Variants in DSCAM observed in about 807,000 individuals in gnomAD.
The protein encoded by DSCAM is cell adhesion molecule DSCAM.
In DSCAM, 47 loss-of-function variants were observed where a neutral mutation model predicts 217.7. The ratio of observed to expected loss-of-function variants is 0.22; its 90% confidence interval spans 0.17 to 0.28. DSCAM has a LOEUF of 0.28. Among genes scored for constraint, DSCAM ranks in the 10% least tolerant of loss-of-function variants. DSCAM has a pLI of 1.00. For synonymous variants in DSCAM, 1,056 were observed against 1,015.3 expected, an observed-to-expected ratio of 1.04 and a Z score of -0.76; for missense variants, 2,080 against 2,618.3, an observed-to-expected ratio of 0.79 and a Z score of 4.49.
intron 3 of DSCAM, among the ~76,000 whole-genome samples, chr21:40,378,615 G>A (rs902776571): frequency 2.9e-5 from 3 of 102,618 alleles, no homozygotes; most frequent in African/African-American, 3.9e-5. Context: ...TTTTTGAGAC[G>A]GAGTCTCGCT....
intron 24 of DSCAM, among the ~76,000 whole-genome samples, chr21:40,082,488 T>C (rs2089476588): frequency 6.6e-6 from 1 of 152,082 alleles, no homozygotes; most frequent in Non-Finnish European, 1.5e-5. Context: ...AGAAAGTCAT[T>C]AGACAGTGAT....
At chr21:40,386,907 A>G (rs1429038299) in intron 3 of DSCAM, among the ~76,000 whole-genome samples, 1 of 152,162 alleles carries the variant, frequency 6.6e-6, no homozygotes, top group Non-Finnish European at 1.5e-5. Flanking sequence ...TCCCTCTAGG[A>G]TTAAGTTTTG....
At chr21:40,645,644 G>A (rs1192575121) in intron 3 of DSCAM, among the ~76,000 whole-genome samples, 1 of 152,106 alleles carries the variant, frequency 6.6e-6, no homozygotes, top group East Asian at 1.9e-4. Flanking sequence ...CATGTTTTAT[G>A]TTAGAAATGC....
intron 14 of DSCAM, among the ~76,000 whole-genome samples, chr21:40,179,673 A>C (rs2090777926): frequency 6.6e-6 from 1 of 152,176 alleles, no homozygotes; most frequent in Non-Finnish European, 1.5e-5. Flanking sequence ...ATATTTTTTC[A>C]GTTCTATTTT....
intron 6 of DSCAM, among the ~76,000 whole-genome samples, chr21:40,345,653 A>G (rs2074549731): frequency 1.3e-5 from 2 of 152,114 alleles, no homozygotes; most frequent in African/African-American, 2.4e-5. Context: ...CAGTATTGCA[A>G]ATTTTTATAA....
intron 14 of DSCAM, 89 bp from the exon 15 acceptor site, chr21:40,179,183 CCAAAA>C: frequency 4.6e-5 from 4 of 86,310 alleles, no homozygotes; most frequent in Admixed American, 1.8e-4. Context: ...GAATTAAAAA[CCAAAA>C]AAAAAAAAAA....
At chr21:40,563,640 A>G (rs1375396119) in intron 3 of DSCAM, among the ~76,000 whole-genome samples, 2 of 136,886 alleles carry the variant, frequency 1.5e-5, no homozygotes, top group East Asian at 3.9e-4. Context: ...ATATGTGTAT[A>G]TATAGTTATA....
chr21:40,328,788 G>A (rs1261925081), intron 8 of DSCAM, among the ~76,000 whole-genome samples: 1 of 152,040 alleles, frequency 6.6e-6, no homozygotes, highest in Non-Finnish European at 1.5e-5. Flanking sequence ...TTCAAACAAT[G>A]CAATAGCAAG....
intron 11 of DSCAM, among the ~76,000 whole-genome samples, chr21:40,223,795 C>T (rs1442159089): frequency 6.6e-6 from 1 of 152,190 alleles, no homozygotes; most frequent in Non-Finnish European, 1.5e-5. Context: ...AATGACAACA[C>T]TTATGTGAAC....
intron 3 of DSCAM, among the ~76,000 whole-genome samples, chr21:40,675,650 C>T (rs1448765841): frequency 2.6e-5 from 4 of 151,972 alleles, no homozygotes; most frequent in African/African-American, 9.7e-5. Context: ...AAATTCAGGT[C>T]GTATATGTTA....
At chr21:40,589,673 T>G (rs1378903612) in intron 3 of DSCAM, among the ~76,000 whole-genome samples, 1 of 152,244 alleles carries the variant, frequency 6.6e-6, no homozygotes, top group Non-Finnish European at 1.5e-5. Flanking sequence ...AAAGTGAGAC[T>G]AGAAGCTTGG....
intron 27 of DSCAM, among the ~76,000 whole-genome samples, chr21:40,067,077 C>T (rs941766779): frequency 1.3e-5 from 2 of 152,176 alleles, no homozygotes; most frequent in African/African-American, 4.8e-5. Context: ...TTAGCCTAGC[C>T]TATCTTCAAC....
At chr21:40,543,681 G>T (rs73364967) in intron 3 of DSCAM, among the ~76,000 whole-genome samples, 17,505 of 152,044 alleles carry the variant, frequency 0.12, 2,343 homozygotes, top group African/African-American at 0.32. Context: ...CTTGGTATCA[G>T]TCTTCCACCT....
At chr21:40,058,243 C>G (rs371878268) in intron 28 of DSCAM, among the ~76,000 whole-genome samples, 22 of 152,186 alleles carry the variant, frequency 1.4e-4, no homozygotes, top group African/African-American at 4.6e-4. Flanking sequence ...CCTGCTACCC[C>G]CAAAACCCAC....
chr21:40,279,155 T>A (rs1012342637), intron 10 of DSCAM, among the ~76,000 whole-genome samples: 2 of 152,222 alleles, frequency 1.3e-5, no homozygotes, highest in African/African-American at 4.8e-5. Context: ...TAACAGTATT[T>A]TATTATCTCT....
At chr21:40,349,668 C>A (rs149461686) in intron 5 of DSCAM, among the ~76,000 whole-genome samples, 3 of 152,160 alleles carry the variant, frequency 2.0e-5, no homozygotes, top group Non-Finnish European at 1.5e-5. Context: ...TTATTGAGAG[C>A]GCTTAAATAA....
intron 30 of DSCAM, among the ~76,000 whole-genome samples, chr21:40,045,184 T>G (rs2088824328): frequency 6.6e-6 from 1 of 152,212 alleles, no homozygotes; most frequent in Non-Finnish European, 1.5e-5. Flanking sequence ...CTCTAGGAAA[T>G]TAATACAGAT....
At chr21:40,771,080 G>A (rs1186855366) in intron 1 of DSCAM, among the ~76,000 whole-genome samples, 1 of 152,178 alleles carries the variant, frequency 6.6e-6, no homozygotes, top group African/African-American at 2.4e-5. Flanking sequence ...ATGCCCAAGG[G>A]TAGCTGCAGA....
intron 3 of DSCAM, among the ~76,000 whole-genome samples, chr21:40,631,256 G>C (rs2089687819): frequency 6.6e-6 from 1 of 152,082 alleles, no homozygotes; most frequent in Non-Finnish European, 1.5e-5. Context: ...CATGTCATTT[G>C]TCTTCTTGTT....
Sources: allele counts gnomAD v4.1 joint callset (sites outside exome capture counted in the v4.1 genomes callset), GRCh38; gene constraint gnomAD v4.1.1; transcripts MANE v1.5; gene names NCBI Gene and HGNC (gene_info 2026-07-23, HGNC 2026-07-21).